Variants in IGF1R observed in about 807,000 individuals in gnomAD.
The protein encoded by IGF1R is insulin-like growth factor 1 receptor.
In IGF1R, 44 loss-of-function variants were observed where a neutral mutation model predicts 144.6. The observed-to-expected ratio is 0.30, with a 90% confidence interval of 0.24 to 0.39. The LOEUF (loss-of-function observed/expected upper bound fraction) is 0.39, where lower values mean the gene tolerates loss of function less well. Among genes scored for constraint, IGF1R ranks in the 10% least tolerant of loss-of-function variants. The pLI is 1.00. For missense variants in IGF1R, 1,355 were observed against 1,833.7 expected (o/e 0.74, Z 4.77); for synonymous variants, 795 against 722.8 (o/e 1.10, Z -1.60).
intron 2 of IGF1R, among the ~76,000 whole-genome samples, chr15:98,809,979 C>G (rs1321340230): frequency 3.9e-5 from 6 of 152,110 alleles, no homozygotes; most frequent in Non-Finnish European, 7.4e-5. Flanking sequence ...GCAAACTGAC[C>G]CAGACAGACT....
At chr15:98,825,266 G>C (rs544918279) in intron 2 of IGF1R, among the ~76,000 whole-genome samples, 1 of 152,220 alleles carries the variant, frequency 6.6e-6, no homozygotes, top group South Asian at 2.1e-4. Context: ...CCTCCCAACA[G>C]ATACCAAAAT....
intron 1 of IGF1R, among the ~76,000 whole-genome samples, chr15:98,679,798 G>A (rs2053142750): frequency 1.3e-5 from 2 of 152,198 alleles, no homozygotes; most frequent in South Asian, 4.1e-4. Context: ...CATAGGAGCT[G>A]ATGGCTCCGC....
At chr15:98,901,865 G>A (rs146557401) in intron 5 of IGF1R, among the ~76,000 whole-genome samples, 52 of 152,282 alleles carry the variant, frequency 3.4e-4, no homozygotes, top group African/African-American at 1.2e-3. Context: ...CAAAGGCAAC[G>A]AGTTGGGGCA....
At chr15:98,726,571 A>T (rs1379285522) in intron 2 of IGF1R, among the ~76,000 whole-genome samples, 1 of 152,198 alleles carries the variant, frequency 6.6e-6, no homozygotes, top group African/African-American at 2.4e-5. Context: ...TGAGAAAGGA[A>T]AGATGAAAAT....
intron 13 of IGF1R, among the ~76,000 whole-genome samples, chr15:98,927,254 ACT>A (rs903012944): frequency 7.2e-5 from 11 of 151,976 alleles, no homozygotes; most frequent in African/African-American, 2.4e-4. Flanking sequence ...GTCAGACAAG[ACT>A]CTGTCCTGCT....
chr15:98,713,348 C>A (rs1298721950), intron 2 of IGF1R, among the ~76,000 whole-genome samples: 2 of 152,130 alleles, frequency 1.3e-5, no homozygotes, highest in African/African-American at 4.8e-5. Flanking sequence ...AGTAGCGTAT[C>A]CTGGCAGTCT....
intron 1 of IGF1R, among the ~76,000 whole-genome samples, chr15:98,682,053 C>G (rs2053202632): frequency 6.6e-6 from 1 of 152,112 alleles, no homozygotes; most frequent in Non-Finnish European, 1.5e-5. Context: ...GGCATAGGGT[C>G]TTCTAGGGGC....
intron 2 of IGF1R, among the ~76,000 whole-genome samples, chr15:98,858,517 T>A (rs566038754): frequency 1.3e-5 from 2 of 152,278 alleles, no homozygotes; most frequent in East Asian, 3.9e-4. Flanking sequence ...TAATCCTCCC[T>A]CTCCCCTCTT....
intron 15 of IGF1R, among the ~76,000 whole-genome samples, chr15:98,933,537 A>G (rs527251804): frequency 1.8e-4 from 27 of 151,920 alleles, no homozygotes; most frequent in South Asian, 4.2e-4. Context: ...GTGTTTTGCC[A>G]TGTTGCCCAG....
At chr15:98,712,242 C>G (rs1360369573) in intron 2 of IGF1R, among the ~76,000 whole-genome samples, 2 of 152,164 alleles carry the variant, frequency 1.3e-5, no homozygotes, top group African/African-American at 4.8e-5. Flanking sequence ...GAGTCCAGGA[C>G]CTGTCATTCA....
At position 98,891,722 on chromosome 15, in the gene IGF1R, T is replaced by A; in HGVS notation, c.953+85T>A. The A allele has an allele frequency of 7.3e-7, 1 of 1,371,182 alleles. No homozygotes were observed. The highest frequency in any genetic ancestry group is 1.0e-6 in the Non-Finnish European group (1 of 989,706). The allele number at this position is 1,371,182 out of a possible 1,614,324, so 84.9% of individuals were successfully genotyped here. A position where few individuals can be genotyped will look rare whatever the true frequency, so the allele number is the denominator to read the frequency against. ...ACAAAGGTAGACTCTGTCGGTTGTT[T>A]CATCCGGGTGCAGCCCTCAGGAAGT... is the stretch of plus-strand genomic sequence containing the variant. On this transcript the variant is annotated intron_variant, in intron 3 of 20. Transcript: ENST00000650285. This position sits in a 1 kb window ranked among gnomAD's most constrained non-coding sequence, Gnocchi z 4.7.
intron 2 of IGF1R, among the ~76,000 whole-genome samples, chr15:98,890,923 G>A (rs1396599880): frequency 6.6e-6 from 1 of 152,244 alleles, no homozygotes; most frequent in Non-Finnish European, 1.5e-5. Flanking sequence ...AGTGAGCAGA[G>A]CACAATGCCT....
intron 2 of IGF1R, chr15:98,881,002 A>C (rs1567175476): frequency 6.6e-6 from 1 of 152,184 alleles, no homozygotes; most frequent in Admixed American, 6.5e-5. Context: ...TTTCTTCATC[A>C]ATTCATGTAG....
At chr15:98,731,675 G>C (rs1179384947) in intron 2 of IGF1R, among the ~76,000 whole-genome samples, 2 of 152,180 alleles carry the variant, frequency 1.3e-5, no homozygotes. Context: ...CACCCTTTGG[G>C]CTTGGTGCTG....
intron 13 of IGF1R, 92 bp from the exon 14 acceptor site, chr15:98,929,466 A>G: frequency 1.0e-6 from 1 of 987,854 alleles, no homozygotes; most frequent in South Asian, 1.3e-5. Flanking sequence ...ATATACAGGT[A>G]TTTTTTTCAT....
intron 1 of IGF1R, among the ~76,000 whole-genome samples, chr15:98,677,314 C>A (rs1651573297): frequency 6.6e-6 from 1 of 152,092 alleles, no homozygotes; most frequent in Non-Finnish European, 1.5e-5. Flanking sequence ...TTGTACCTAC[C>A]CAATTTGTTG....
intron 2 of IGF1R, among the ~76,000 whole-genome samples, chr15:98,848,520 A>G (rs969381743): frequency 1.3e-5 from 2 of 152,080 alleles, no homozygotes; most frequent in African/African-American, 4.8e-5. Context: ...TCCCTTGCTT[A>G]TTTTTCCTAA....
At chr15:98,711,642 G>A (rs901458511) in intron 2 of IGF1R, among the ~76,000 whole-genome samples, 1 of 133,082 alleles carries the variant, frequency 7.5e-6, no homozygotes, top group Non-Finnish European at 1.5e-5. Context: ...CCCCTGACAT[G>A]TGGTGTGGTT....
intron 2 of IGF1R, among the ~76,000 whole-genome samples, chr15:98,849,404 A>G (rs2011460335): frequency 6.6e-6 from 1 of 152,224 alleles, no homozygotes; most frequent in Non-Finnish European, 1.5e-5. Context: ...ACCATGTACC[A>G]GGCTAGACTC....
Sources: gnomAD v4.1 joint callset for allele counts (sites outside exome capture counted in the v4.1 genomes callset) on GRCh38, gnomAD v4.1.1 for gene constraint, Gnocchi (gnomAD v3.1) non-coding constraint, MANE v1.5 for transcripts, NCBI Gene and HGNC (gene_info 2026-07-23, HGNC 2026-07-21) for gene names.